Variants in WHAMM observed in about 807,000 individuals in gnomAD.
WHAMM encodes WASP homolog associated with actin, golgi membranes and microtubules.
Under a neutral mutation model 76.5 loss-of-function variants are expected in WHAMM, and 67 were observed. The ratio of observed to expected loss-of-function variants is 0.88; its 90% CI spans 0.72 to 1.07. The LOEUF is 1.07. WHAMM is among the 50% of genes least tolerant of loss of function. WHAMM has a pLI of 0.00. For missense variants in WHAMM, 1,021 were observed against 1,051.1 expected, an observed-to-expected ratio of 0.97 and a Z score of 0.40; for synonymous variants, 419 against 422.1, an observed-to-expected ratio of 0.99 and a Z score of 0.09.
chr15:82,824,592 A>C (rs1288237163), intron 6 of WHAMM, among the ~76,000 whole-genome samples: 1 of 152,070 alleles, frequency 6.6e-6, no homozygotes, highest in East Asian at 1.9e-4. Context: ...AAGTGCTGGG[A>C]TTACGGGCAT....
Position 82,809,718 on chromosome 15 carries a change from C to A in WHAMM, c.-9C>A. ...CCGCCGAGCCCTAGGGCCGCTGCTG[C>A]CGACAGCCATGGAGGACGAGCAGCC... On this transcript the variant is annotated 5_prime_UTR_variant, in exon 1 of 10. Transcript: ENST00000286760. 1 of 1,458,694 alleles carries A rather than the reference C, an allele frequency of 6.9e-7. No homozygotes were observed. The highest frequency in any genetic ancestry group is 9.1e-7 in the Non-Finnish European group (1 of 1,100,804). 90.4% of individuals were successfully genotyped at this position (1,458,694 alleles called of 1,614,324 possible).
Position 82,833,701 on chromosome 15 carries a change from CTTTTTT to C in WHAMM, c.*166_*171del, listed in dbSNP as rs2051078867. Reference sequence around the variant, plus strand: ...CTGCTGCAGCATTTTTTTTTTTTTTCTTTTTTGAGATGGAGTCTCACTCTGTCGCCC... The same window carrying C: ...CTGCTGCAGCATTTTTTTTTTTTTTCGAGATGGAGTCTCACTCTGTCGCCC... On this transcript the variant is annotated 3_prime_UTR_variant, in exon 10 of 10. Coordinates refer to ENST00000286760, the MANE Select transcript of WHAMM (RefSeq NM_001080435.3). The C allele has an allele frequency of 4.4e-6, 3 of 685,312 alleles. No homozygotes were observed. Among genetic ancestry groups the C allele is most frequent in the East Asian group, 5.9e-5 (2 of 33,682 alleles). 42.5% of individuals were successfully genotyped at this position (685,312 alleles called of 1,614,324 possible). A position where few individuals can be genotyped will look rare whatever the true frequency, so the allele number is the denominator to read the frequency against.
Position 82,816,754 on chromosome 15 carries a change from A to C in WHAMM, c.846A>C (p.Glu282Asp). The C allele has an allele frequency of 6.4e-7, 1 of 1,559,010 alleles. No individual in the cohort carries two copies. Among genetic ancestry groups the C allele is most frequent in the Non-Finnish European group, 8.7e-7 (1 of 1,150,224 alleles). Reference sequence around the variant, plus strand: ...TAGTTGCCCTGGAGAAAGAAGCTGAAGAATGGACCAGACGGGCTGAAGAAG... The same window carrying C: ...TAGTTGCCCTGGAGAAAGAAGCTGACGAATGGACCAGACGGGCTGAAGAAG... ...RRVVALEKEA[E>D]EWTRRAEEAV... The change falls in exon 3 of 10, where the codon GAA becomes GAC. Residue 282 changes from glutamate to aspartate, a missense_variant. Around this residue, in one of 3 missense-constraint regions of WHAMM, gnomAD observed 501 missense variants for 524.9 expected, o/e 0.95. Coordinates refer to ENST00000286760, the MANE Select transcript of WHAMM (RefSeq NM_001080435.3).
chr15:82,831,968 G>C (rs756167262), intron 9 of WHAMM, among the ~76,000 whole-genome samples: 5 of 152,352 alleles, frequency 3.3e-5, no homozygotes, highest in Non-Finnish European at 7.3e-5. Flanking sequence ...TGAGTTCAGA[G>C]CTTCACTGTA....
chr15:82,826,662 C>T, intron 7 of WHAMM, 89 bp from the exon 8 acceptor site: 2 of 1,534,538 alleles, frequency 1.3e-6, no homozygotes, highest in Non-Finnish European at 1.8e-6. Context: ...GGGGTACAGC[C>T]TCTTTCTTTG....
chr15:82,818,014 A>G lies in WHAMM; in HGVS notation c.1029A>G (p.Leu343=). Residue 343 remains leucine (L), a synonymous_variant, in exon 4 of 10, where the codon CTA becomes CTG. Coordinates refer to ENST00000286760, the MANE Select transcript of WHAMM (RefSeq NM_001080435.3). ...GGTTGGAAAAACTTCAGCTAATGCT[A>G]GCTCGAGAGACTCTGCAACTCATGA... The part of the protein sequence containing the change: ...IPRLEKLQLM[L]ARETLQLMRA... 6.5e-7 allele frequency: 1 copy of G among 1,549,694 alleles called. No homozygotes were observed. The highest frequency in any genetic ancestry group is 8.7e-7 in the Non-Finnish European group (1 of 1,146,798).
chr15:82,832,022 G>C (rs2051038969), intron 9 of WHAMM, among the ~76,000 whole-genome samples: 1 of 152,188 alleles, frequency 6.6e-6, no homozygotes, highest in African/African-American at 2.4e-5. Context: ...ATTAGGTGGA[G>C]ACCCAATGGC....
In WHAMM at chr15:82,809,708, G is replaced by C; in HGVS notation, c.-19G>C. ...AGGCCCGCGCCCGCCGAGCCCTAGGGCCGCTGCTGCCGACAGCCATGGAGG... is the reference window on the plus strand; with the variant it reads ...AGGCCCGCGCCCGCCGAGCCCTAGGCCCGCTGCTGCCGACAGCCATGGAGG... On this transcript the variant is annotated 5_prime_UTR_variant, in exon 1 of 10. Transcript: ENST00000286760. 1 of 1,398,942 alleles carries C rather than the reference G, an allele frequency of 7.1e-7. No individual in the cohort carries two copies. Among genetic ancestry groups the C allele is most frequent in the Non-Finnish European group, 9.4e-7 (1 of 1,067,462 alleles). 86.7% of individuals were successfully genotyped at this position (1,398,942 alleles called of 1,614,324 possible). A position where few individuals can be genotyped will look rare whatever the true frequency, so the allele number is the denominator to read the frequency against.
chr15:82,810,597 T>C (rs66851469), intron 1 of WHAMM: 509,164 of 985,190 alleles, frequency 0.52, 131,993 homozygotes, highest in Non-Finnish European at 0.52. Context: ...GGCCCCCAAC[T>C]TTTGCCCTGA....
chr15:82,833,609 C>T lies in WHAMM; in HGVS notation c.*73C>T. On this transcript the variant is annotated 3_prime_UTR_variant, in exon 10 of 10. Transcript: ENST00000286760. ...GGTGAGTCTTAGACCTATCGAAAAG[C>T]ATACTAACAGGGTGCTGATAGATGG... 2 of 1,502,768 alleles carry T rather than the reference C, an allele frequency of 1.3e-6. No individual in the cohort carries two copies. The highest frequency in any genetic ancestry group is 1.4e-5 in the African/African-American group (1 of 72,806). The allele number at this position is 1,502,768 out of a possible 1,614,324, so 93.1% of individuals were successfully genotyped here.
intron 9 of WHAMM, among the ~76,000 whole-genome samples, chr15:82,832,704 A>G (rs1433388692): frequency 6.6e-6 from 1 of 152,220 alleles, no homozygotes; most frequent in Non-Finnish European, 1.5e-5. Flanking sequence ...AAGCCTTTTC[A>G]TGTGTAGAAA....
intron 1 of WHAMM, among the ~76,000 whole-genome samples, chr15:82,811,108 TGAAGA>T (rs1394933819): frequency 3.9e-5 from 6 of 152,172 alleles, no homozygotes; most frequent in African/African-American, 1.2e-4. Context: ...GAAGGGGAAG[TGAAGA>T]GAAGAATTCA....
intron 5 of WHAMM, among the ~76,000 whole-genome samples, chr15:82,822,508 G>A (rs566515810): frequency 6.6e-6 from 1 of 152,276 alleles, no homozygotes; most frequent in East Asian, 1.9e-4. Flanking sequence ...CACGATCTTG[G>A]CTCACTGCAA....
intron 8 of WHAMM, among the ~76,000 whole-genome samples, chr15:82,828,181 C>T (rs1216322272): frequency 1.3e-5 from 2 of 152,174 alleles, no homozygotes; most frequent in African/African-American, 4.8e-5. Context: ...CTTGAAACAG[C>T]CTTGTGAGAT....
rs1182967477 is a variant in WHAMM, at chr15:82,834,942, A to ATCAGGGAAGG, written c.*1407_*1416dup. The ATCAGGGAAGG allele has an allele frequency of 1.3e-5, 2 of 152,110 alleles. No homozygotes were observed. The highest frequency in any genetic ancestry group is 2.9e-5 in the Non-Finnish European group (2 of 68,018). 9.4% of individuals were successfully genotyped at this position (152,110 alleles called of 1,614,324 possible). A position where few individuals can be genotyped will look rare whatever the true frequency, so the allele number is the denominator to read the frequency against. ...TTCTCCTTAAAATTAAATTTTTAAA[A>ATCAGGGAAGG]TCAGGGAAGGGGAAGGGACTGATGC... On this transcript the variant is annotated 3_prime_UTR_variant, in exon 10 of 10. Coordinates refer to ENST00000286760, the MANE Select transcript of WHAMM (RefSeq NM_001080435.3).
intron 3 of WHAMM, among the ~76,000 whole-genome samples, chr15:82,817,437 A>G (rs2050744681): frequency 1.3e-5 from 2 of 152,228 alleles, no homozygotes. Context: ...AACACCAAGT[A>G]GGAAACAACT....
At position 82,830,467 on chromosome 15, in the gene WHAMM, A is replaced by G; in HGVS notation, c.1642-132A>G. On this transcript the variant is annotated intron_variant, in intron 8 of 9. Transcript: ENST00000286760. ...GGTTCGGTAGAAAGGATGGCTGTAC[A>G]AACAAGGAGTCACTTTGTGAATTAG... 3 of 1,386,646 alleles carry G rather than the reference A, an allele frequency of 2.2e-6. No homozygotes were observed. The Middle Eastern group carries it at 8.1e-4, about 373-fold the overall frequency. 85.9% of individuals were successfully genotyped at this position (1,386,646 alleles called of 1,614,324 possible). A position where few individuals can be genotyped will look rare whatever the true frequency, so the allele number is the denominator to read the frequency against.
chr15:82,811,578 C>T (rs1272910447), intron 1 of WHAMM, among the ~76,000 whole-genome samples: 4 of 152,038 alleles, frequency 2.6e-5, no homozygotes. Flanking sequence ...TAGTGTAGTT[C>T]ACATATTTAT....
At chr15:82,814,145 A>G (rs981182784) in intron 2 of WHAMM, among the ~76,000 whole-genome samples, 5 of 152,222 alleles carry the variant, frequency 3.3e-5, no homozygotes, top group African/African-American at 1.2e-4. Flanking sequence ...ACCCTGTGAC[A>G]TCATTCAGAA....
Sources: gnomAD v4.1 joint callset for allele counts (sites outside exome capture counted in the v4.1 genomes callset) on GRCh38, gnomAD v4.1.1 for gene constraint, gnomAD v4.1.1 regional missense constraint, MANE v1.5 for transcripts, NCBI Gene and HGNC (gene_info 2026-07-23, HGNC 2026-07-21) for gene names.